LRP2: variants seen among roughly 807,000 people sequenced by gnomAD.
The protein encoded by LRP2 is LDL receptor related protein 2, also known as low-density lipoprotein receptor-related protein 2.
A neutral mutation model predicts 531.0 loss-of-function variants in LRP2; 172 were observed. That is an observed-to-expected ratio of 0.32 (90% confidence interval 0.29 to 0.37). The LOEUF (loss-of-function observed/expected upper bound fraction) is 0.37, where lower values mean the gene tolerates loss of function less well. Among genes scored for constraint, LRP2 ranks in the 10% least tolerant of loss-of-function variants. LRP2 has a pLI of 1.00. For synonymous variants in LRP2, 1,992 were observed against 2,027.6 expected, an observed-to-expected ratio of 0.98 and a Z score of 0.47; for missense variants, 5,167 against 5,868.3, an observed-to-expected ratio of 0.88 and a Z score of 3.90.
intron 1 of LRP2, among the ~76,000 whole-genome samples, chr2:169,324,567 A>T (rs528643900): frequency 6.6e-6 from 1 of 152,294 alleles, no homozygotes; most frequent in African/African-American, 2.4e-5. Flanking sequence ...AATCGGTAGT[A>T]AAATTTTATT....
intron 1 of LRP2, among the ~76,000 whole-genome samples, chr2:169,361,348 CTG>C (rs745527995): frequency 0.49 from 44,841 of 91,388 alleles, 10,181 homozygotes; most frequent in African/African-American, 0.54. Context: ...CTGTCTCTCT[CTG>C]TCTCTCTCTC....
intron 37 of LRP2, among the ~76,000 whole-genome samples, chr2:169,210,220 T>A (rs898142485): frequency 1.3e-5 from 2 of 152,184 alleles, no homozygotes; most frequent in Non-Finnish European, 2.9e-5. Flanking sequence ...CATCCATGGC[T>A]GCCAAAACCA....
At chr2:169,160,830 T>A (rs2105368678) in intron 63 of LRP2, among the ~76,000 whole-genome samples, 1 of 152,318 alleles carries the variant, frequency 6.6e-6, no homozygotes, top group African/African-American at 2.4e-5. Flanking sequence ...TTTTAAAATA[T>A]TTTATCAAGT....
chr2:169,285,621 C>A (rs948938752), intron 9 of LRP2, among the ~76,000 whole-genome samples: 3 of 152,052 alleles, frequency 2.0e-5, no homozygotes, highest in African/African-American at 4.8e-5. Context: ...TAACTGAGCC[C>A]CCCTTGGCCA....
At chr2:169,169,625 C>T (rs1055329165) in intron 60 of LRP2, 77 bp downstream of exon 60, 26 of 1,073,842 alleles carry the variant, frequency 2.4e-5, no homozygotes, top group Non-Finnish European at 3.1e-5. Flanking sequence ...ATCTAAGAAG[C>T]GGCAGCGGAC....
Position 169,206,980 on chromosome 2 carries a change from T to C in LRP2, c.6740A>G (p.Tyr2247Cys). The C allele has an allele frequency of 1.9e-6, 3 of 1,614,194 alleles. No homozygotes were observed. The Middle Eastern group carries it at 4.9e-4, about 266-fold the overall frequency. Residue 2247 changes from tyrosine (Y) to cysteine (C), a missense_variant, in exon 39 of 79, where the codon TAC becomes TGC. Tyr to Cys is a radical substitution (Grantham distance 194). Around this residue, in one of 6 missense-constraint regions of LRP2, gnomAD observed 2,811 missense variants for 3,058.0 expected, o/e 0.92. Transcript: ENST00000649046. The stretch of plus-strand genomic sequence containing the variant: ...TAAAGAATCATCAACCCAATAAACG[T>C]AGCCATCACTTCGGTCCACTGCCAA... Reference protein sequence around the residue: ...RGLAVDRSDGYVYWVDDSLDI... With the variant: ...RGLAVDRSDGCVYWVDDSLDI...
intron 29 of LRP2, 105 bp downstream of exon 29, chr2:169,235,735 A>G (rs1689580926): frequency 2.4e-6 from 2 of 844,720 alleles, no homozygotes; most frequent in South Asian, 1.4e-5. Context: ...TGATCTGACA[A>G]TGTCTATGAC....
chr2:169,183,655 C>G (rs752754638), intron 50 of LRP2, among the ~76,000 whole-genome samples: 3 of 152,148 alleles, frequency 2.0e-5, no homozygotes, highest in Non-Finnish European at 2.9e-5. Context: ...AGTCAAAAGA[C>G]ATCCTGTGAA....
At chr2:169,138,750 CAACAACAAA>C in intron 74 of LRP2, 44 bp from the exon 75 acceptor site, 2 of 1,611,488 alleles carry the variant, frequency 1.2e-6, no homozygotes, top group African/African-American at 1.3e-5. Context: ...TTTAAAACAA[CAACAACAAA>C]AACAACAAAT....
intron 4 of LRP2, among the ~76,000 whole-genome samples, chr2:169,296,627 T>G (rs1454918844): frequency 6.6e-6 from 1 of 151,980 alleles, no homozygotes; most frequent in Non-Finnish European, 1.5e-5. Context: ...AAGCTATCTG[T>G]CTGGAGGAAA....
At chr2:169,151,117 C>A in intron 67 of LRP2, 91 bp from the exon 68 acceptor site, 1 of 1,361,850 alleles carries the variant, frequency 7.3e-7, no homozygotes, top group Non-Finnish European at 1.0e-6. Context: ...TTTCGTTTGG[C>A]TGGTGAGACA....
chr2:169,350,723 CAAAAAAAAA>C (rs35301449), intron 1 of LRP2, among the ~76,000 whole-genome samples: 1 of 68,238 alleles, frequency 1.5e-5, no homozygotes, highest in African/African-American at 6.3e-5. Context: ...GACTCCATCG[CAAAAAAAAA>C]AAAAAAAAAA....
intron 24 of LRP2, among the ~76,000 whole-genome samples, chr2:169,242,709 C>G (rs1236415538): frequency 1.3e-5 from 2 of 152,140 alleles, no homozygotes; most frequent in Non-Finnish European, 2.9e-5. Flanking sequence ...ACAAAAATAT[C>G]TAAGAAATAT....
intron 42 of LRP2, 84 bp downstream of exon 42, chr2:169,203,898 T>G: frequency 6.9e-7 from 1 of 1,454,792 alleles, no homozygotes; most frequent in Non-Finnish European, 9.6e-7. Flanking sequence ...GAATTTTTTC[T>G]CCTGTGAGAA....
At chr2:169,259,366 A>C in intron 16 of LRP2, 149 bp from the exon 17 acceptor site, 1 of 534,884 alleles carries the variant, frequency 1.9e-6, no homozygotes, top group Non-Finnish European at 3.2e-6. Flanking sequence ...AAAAAAAAAA[A>C]CTCTGTAAGC....
chr2:169,160,186 C>A (rs1277163826), intron 63 of LRP2, among the ~76,000 whole-genome samples: 1 of 152,116 alleles, frequency 6.6e-6, no homozygotes, highest in Non-Finnish European at 1.5e-5. Flanking sequence ...AGGTTAATTT[C>A]TTTCCTTTAT....
rs1182065099 is a variant in LRP2, at chr2:169,337,845, G to T, written c.80-16961C>A. Among the ~76,000 whole-genome samples the T allele has an allele frequency of 1.3e-5, 2 of 152,130 alleles. 1 individual carries two copies. Among genetic ancestry groups the T allele is most frequent in the East Asian group, 3.9e-4 (2 of 5,178 alleles). ...CTTGAGGCCAGGTAAGGTAGCTCAC[G>T]CCTATAATCCCAACACTTTGGGAGG... is the stretch of plus-strand genomic sequence containing the variant. On this transcript the variant is annotated intron_variant, in intron 1 of 78. Transcript: ENST00000649046.
At chr2:169,279,657 A>AT (rs565645224) in intron 11 of LRP2, 62 bp from the exon 12 acceptor site, 219 of 1,057,104 alleles carry the variant, frequency 2.1e-4, no homozygotes, top group Admixed American at 9.9e-4. Context: ...GTTTGTTTTG[A>AT]TTTTTTTTAG....
In LRP2 at chr2:169,277,949, T is replaced by C. The variant is rs745949956; in HGVS notation, c.1568A>G (p.Tyr523Cys). 4 of 1,612,332 alleles carry C rather than the reference T, an allele frequency of 2.5e-6. No individual in the cohort carries two copies. The South Asian group carries it at 4.4e-5, about 18-fold the overall frequency. The change falls in exon 13 of 79, where the codon TAT becomes TGT. Residue 523 changes from tyrosine to cysteine, a missense_variant and splice_region_variant. Around this residue, in one of 6 missense-constraint regions of LRP2, gnomAD observed 2,811 missense variants for 3,058.0 expected, o/e 0.92. Coordinates refer to ENST00000649046, the MANE Select transcript of LRP2 (RefSeq NM_004525.3). ...GCTCTCCCAATCTGAGAAAAATAAA[T>C]AACTACAAAAGAAAAACAGAAGATG... ...RGIAVDPTVG[Y>C]LFFSDWESLS... is the part of the protein sequence containing the mutation.
Sources: gnomAD v4.1 joint callset for allele counts (sites outside exome capture counted in the v4.1 genomes callset) on GRCh38, gnomAD v4.1.1 for gene constraint, gnomAD v4.1.1 regional missense constraint, MANE v1.5 for transcripts, NCBI Gene and HGNC (gene_info 2026-07-23, HGNC 2026-07-21) for gene names.